The following PTPRD variants were observed in gnomAD, a reference collection of about 807,000 sequenced individuals.
PTPRD encodes the protein protein tyrosine phosphatase receptor type D.
PTPRD carries 34 observed loss-of-function variants against 214.5 expected under a neutral mutation model. The observed-to-expected ratio is 0.16, with a 90% CI of 0.12 to 0.21. The LOEUF (loss-of-function observed/expected upper bound fraction) is 0.21, where lower values mean the gene tolerates loss of function less well. Among genes scored for constraint, PTPRD ranks in the 10% least tolerant of loss-of-function variants. The pLI, the probability that PTPRD is intolerant of heterozygous loss-of-function variation, is 1.00. For synonymous variants in PTPRD, 1,128 were observed against 845.7 expected (o/e 1.33, Z -5.79); for missense variants, 2,545 against 2,398.7 (o/e 1.06, Z -1.27).
intron 2 of PTPRD, among the ~76,000 whole-genome samples, chr9:10,509,787 T>C (rs1479076056): frequency 1.3e-5 from 2 of 151,512 alleles, no homozygotes. Context: ...AATGTTACAA[T>C]TTCTAGCACC....
intron 4 of PTPRD, among the ~76,000 whole-genome samples, chr9:9,959,541 G>A (rs1363629617): frequency 6.6e-6 from 1 of 152,064 alleles, no homozygotes; most frequent in Non-Finnish European, 1.5e-5. Context: ...AACTTCCTAT[G>A]GCAAGAGAAT....
rs188895760 is a variant in PTPRD, at chr9:10,069,037, T to G, written c.-544-35247A>C. Among the ~76,000 whole-genome samples the G allele has an allele frequency of 8.5e-4, 129 of 152,136 alleles. 1 individual carries two copies. The highest frequency in any genetic ancestry group is 1.4e-3 in the Non-Finnish European group (96 of 67,966). On this transcript the variant is annotated intron_variant, in intron 3 of 45. Transcript: ENST00000381196. ...GCAAAATTAGTTCTTTGTCCTCTTT[T>G]GGCTGCCAGATCCTATTCAGCCTTT...
intron 10 of PTPRD, among the ~76,000 whole-genome samples, chr9:9,119,216 T>A (rs905910964): frequency 2.0e-5 from 3 of 152,220 alleles, no homozygotes; most frequent in Non-Finnish European, 4.4e-5. Context: ...AGGTTTACCA[T>A]GTTAGTCACC....
rs115520121 is a variant in PTPRD at position 9,995,427 on chromosome 9, A to T, written c.-472+38291T>A. On this transcript the variant is annotated intron_variant, in intron 4 of 45. Transcript: ENST00000381196. ...TTCATGAGGTGTACATGTCCTGTGG[A>T]GATATTAAAAATGGTCTAAGAGATA... is the stretch of plus-strand genomic sequence containing the variant. Among the ~76,000 whole-genome samples, 125 of 152,260 alleles carry T rather than the reference A, an allele frequency of 8.2e-4. 2 individuals are homozygous for T. Among genetic ancestry groups the T allele is most frequent in the African/African-American group, 2.9e-3 (122 of 41,536 alleles).
chr9:10,425,289 T>A (rs1166147474), intron 2 of PTPRD, among the ~76,000 whole-genome samples: 1 of 151,988 alleles, frequency 6.6e-6, no homozygotes, highest in Non-Finnish European at 1.5e-5. Flanking sequence ...AAAAATCCAA[T>A]AATGTTTCAG....
At chr9:9,810,006 A>G (rs915492310) in intron 5 of PTPRD, among the ~76,000 whole-genome samples, 5 of 151,958 alleles carry the variant, frequency 3.3e-5, no homozygotes, top group African/African-American at 1.2e-4. Flanking sequence ...TTTTCCAATA[A>G]AAGTTATACC....
chr9:9,274,573 T>C (rs1944230963), intron 9 of PTPRD, among the ~76,000 whole-genome samples: 1 of 151,244 alleles, frequency 6.6e-6, no homozygotes, highest in Non-Finnish European at 1.5e-5. Flanking sequence ...TTTCTACTGT[T>C]TGAAATTTGG....
chr9:10,226,454 G>A (rs566537316), intron 3 of PTPRD, among the ~76,000 whole-genome samples: 1 of 152,122 alleles, frequency 6.6e-6, no homozygotes, highest in East Asian at 1.9e-4. Flanking sequence ...GAGGGAGGCA[G>A]CTGAGAAACT....
chr9:8,338,007 C>A (rs1848652107), intron 43 of PTPRD, among the ~76,000 whole-genome samples: 1 of 152,042 alleles, frequency 6.6e-6, no homozygotes, highest in South Asian at 2.1e-4. Context: ...TAGGCCAACC[C>A]TCCTGCTAAC....
chr9:10,023,976 T>A (rs2096873345), intron 4 of PTPRD, among the ~76,000 whole-genome samples: 2 of 148,592 alleles, frequency 1.3e-5, no homozygotes, highest in South Asian at 4.2e-4. Context: ...ATGCTCTAAT[T>A]ATTTTGGTTT....
intron 3 of PTPRD, among the ~76,000 whole-genome samples, chr9:10,262,050 A>G (rs2093730967): frequency 6.6e-6 from 1 of 152,190 alleles, no homozygotes; most frequent in African/African-American, 2.4e-5. Context: ...CAAAGGCCGA[A>G]GATGCTACTT....
intron 33 of PTPRD, among the ~76,000 whole-genome samples, 166 bp from the exon 34 acceptor site, chr9:8,450,003 C>G (rs2095873691): frequency 6.6e-6 from 1 of 152,112 alleles, no homozygotes; most frequent in Non-Finnish European, 1.5e-5. Flanking sequence ...CCCCCCTGGC[C>G]TAATTGTTCT....
At chr9:9,071,822 T>C (rs2099744150) in intron 10 of PTPRD, among the ~76,000 whole-genome samples, 1 of 152,206 alleles carries the variant, frequency 6.6e-6, no homozygotes, top group Non-Finnish European at 1.5e-5. Context: ...TTTAAGCTGC[T>C]AATTTTGTGG....
rs1412182135 is a variant in PTPRD at position 8,468,815 on chromosome 9, A to AC, written c.3504+2179_3504+2180insG. 4.0e-5 allele frequency among the ~76,000 whole-genome samples: 6 copies of AC among 150,498 alleles called. No homozygotes were observed. In the South Asian group the frequency reaches 1.1e-3, roughly 26 times the overall value. On this transcript the variant is annotated intron_variant, in intron 31 of 45. Coordinates refer to ENST00000381196, the MANE Select transcript of PTPRD (RefSeq NM_002839.4). ...CCATGGTAGAAAAAAAAAAAAAAAA[A>AC]AACTCTCTGTAGGGATCAAAAACTG... is the stretch of plus-strand genomic sequence containing the variant.
intron 12 of PTPRD, among the ~76,000 whole-genome samples, chr9:8,705,215 G>A (rs900814895): frequency 6.6e-6 from 1 of 151,966 alleles, no homozygotes; most frequent in Non-Finnish European, 1.5e-5. Context: ...CTAAATTTTT[G>A]TTGTTGTTAC....
intron 5 of PTPRD, among the ~76,000 whole-genome samples, chr9:9,900,677 G>A (rs1034832679): frequency 6.5e-5 from 8 of 123,298 alleles, no homozygotes; most frequent in African/African-American, 2.8e-4. Flanking sequence ...TTGCTCTGTT[G>A]CCAGGCTGGA....
chr9:9,391,873 T>C lies in PTPRD; in HGVS notation c.-203+5576A>G, dbSNP rs544875039. Among the ~76,000 whole-genome samples the C allele has an allele frequency of 9.8e-5, 15 of 152,292 alleles. No homozygotes were observed. In the South Asian group the frequency reaches 1.7e-3, roughly 17 times the overall value. On this transcript the variant is annotated intron_variant, in intron 9 of 45. Coordinates refer to ENST00000381196, the MANE Select transcript of PTPRD (RefSeq NM_002839.4). ...TTCCTTTCTGCCTTCTTATTTGGAA[T>C]GTATCTCAAAATTTAAAGAAGACTT...
intron 2 of PTPRD, among the ~76,000 whole-genome samples, chr9:10,369,751 T>C (rs1485325691): frequency 6.6e-6 from 1 of 152,090 alleles, no homozygotes; most frequent in East Asian, 1.9e-4. Context: ...TCTTGAAAGC[T>C]AATCTTCAAT....
chr9:10,059,994 G>C (rs2097727882), intron 3 of PTPRD, among the ~76,000 whole-genome samples: 1 of 151,958 alleles, frequency 6.6e-6, no homozygotes, highest in Non-Finnish European at 1.5e-5. Context: ...TCTAATATTA[G>C]TGTTGACTAT....
Sources: allele counts gnomAD v4.1 joint callset (sites outside exome capture counted in the v4.1 genomes callset), GRCh38; gene constraint gnomAD v4.1.1; transcripts MANE v1.5; gene names NCBI Gene and HGNC (gene_info 2026-07-23, HGNC 2026-07-21).